COP1: variants seen among roughly 807,000 people sequenced by gnomAD.
COP1 encodes COP1 E3 ubiquitin ligase.
Under a neutral mutation model 101.3 loss-of-function variants are expected in COP1, and 24 were observed. The ratio of observed to expected loss-of-function variants is 0.24; its 90% CI spans 0.17 to 0.33. The LOEUF (loss-of-function observed/expected upper bound fraction) is 0.33. COP1 is among the 10% of genes least tolerant of loss of function. The pLI, the probability that COP1 is intolerant of heterozygous loss-of-function variation, is 1.00. For missense variants in COP1, 663 were observed against 906.2 expected (o/e 0.73, Z 3.45); for synonymous variants, 347 against 341.9 (o/e 1.01, Z -0.17).
chr1:176,061,664 C>T (rs959452594), intron 11 of COP1, among the ~76,000 whole-genome samples: 4 of 151,922 alleles, frequency 2.6e-5, no homozygotes, highest in Admixed American at 6.6e-5. Context: ...AAAAATGAAA[C>T]TAAACCATTA....
intron 18 of COP1, among the ~76,000 whole-genome samples, chr1:175,975,172 A>C (rs1259995244): frequency 6.6e-6 from 1 of 152,124 alleles, no homozygotes; most frequent in African/African-American, 2.4e-5. Flanking sequence ...AATACATAGG[A>C]TATATAAAAG....
chr1:176,154,474 C>T (rs889244193), intron 5 of COP1, among the ~76,000 whole-genome samples: 1 of 152,106 alleles, frequency 6.6e-6, no homozygotes, highest in Non-Finnish European at 1.5e-5. Flanking sequence ...AAGGAGATCA[C>T]GTCCTCTGCA....
chr1:176,123,663 C>A (rs1393637104), intron 8 of COP1, among the ~76,000 whole-genome samples: 2 of 152,006 alleles, frequency 1.3e-5, no homozygotes, highest in African/African-American at 4.8e-5. Flanking sequence ...TGAGGTATTT[C>A]AAAGACATTA....
intron 15 of COP1, among the ~76,000 whole-genome samples, chr1:176,001,249 T>C (rs1239061622): frequency 6.6e-6 from 1 of 152,112 alleles, no homozygotes; most frequent in East Asian, 1.9e-4. Context: ...GTCTGAATCA[T>C]CAGAAACATC....
chr1:176,048,394 C>T (rs1021239247), intron 11 of COP1, among the ~76,000 whole-genome samples: 1 of 151,946 alleles, frequency 6.6e-6, no homozygotes, highest in Non-Finnish European at 1.5e-5. Flanking sequence ...CACAATTCAG[C>T]AAATGTTCCC....
rs761037413 is a variant in COP1 at position 176,135,049 on chromosome 1, C to A, written c.929G>T (p.Ser310Ile). 1.9e-6 allele frequency: 3 copies of A among 1,610,904 alleles called. No homozygotes were observed. In the Admixed American group the frequency reaches 5.0e-5, roughly 27 times the overall value. The change falls in exon 8 of 20, where the codon AGC becomes ATC. Residue 310 changes from serine to isoleucine, a missense_variant. Ser to Ile is a moderately radical substitution (Grantham distance 142). Around this residue, in one of 4 missense-constraint regions of COP1, gnomAD observed 212 missense variants for 240.7 expected, o/e 0.88. Coordinates refer to ENST00000367669, the MANE Select transcript of COP1 (RefSeq NM_022457.7). ...AGGAGCTTCAAATTGAGGCACTGTG[C>A]TATCCTCACTGACAGGAGAGTATAA... ...SGLYSPVSED[S>I]TVPQFEAPSP...
intron 18 of COP1, among the ~76,000 whole-genome samples, chr1:175,973,669 C>A (rs1021833608): frequency 6.6e-6 from 1 of 152,094 alleles, no homozygotes; most frequent in Non-Finnish European, 1.5e-5. Flanking sequence ...TTGAAAAACA[C>A]CCCCATTAGA....
At chr1:176,041,353 C>CTTTTTTT (rs527574402) in intron 14 of COP1, among the ~76,000 whole-genome samples, 1 of 144,198 alleles carries the variant, frequency 6.9e-6, no homozygotes. Context: ...TTCTTTTTTT[C>CTTTTTTT]TTTTTTTTTT....
intron 2 of COP1, among the ~76,000 whole-genome samples, chr1:176,179,861 CAA>C (rs548040625): frequency 4.6e-5 from 6 of 130,162 alleles, no homozygotes; most frequent in Non-Finnish European, 5.0e-5. Flanking sequence ...ATCTCTCAGA[CAA>C]AAAAAAAAAA....
At chr1:176,158,589 G>A (rs1281998031) in intron 5 of COP1, among the ~76,000 whole-genome samples, 1 of 150,212 alleles carries the variant, frequency 6.7e-6, no homozygotes, top group South Asian at 2.1e-4. Context: ...ATACTACAAT[G>A]GCCAGGAGAG....
chr1:176,153,271 T>G (rs1692907226), intron 5 of COP1, among the ~76,000 whole-genome samples: 1 of 152,096 alleles, frequency 6.6e-6, no homozygotes, highest in Non-Finnish European at 1.5e-5. Context: ...TACATGTCCC[T>G]GGGGTATAAA....
At chr1:176,206,452 C>T in intron 1 of COP1, 120 bp downstream of exon 1, 1 of 1,191,820 alleles carries the variant, frequency 8.4e-7, no homozygotes, top group South Asian at 1.3e-5. Context: ...CAGACACCAC[C>T]ACAGCACCAG....
intron 15 of COP1, among the ~76,000 whole-genome samples, chr1:176,004,765 T>C (rs1662672661): frequency 6.7e-6 from 1 of 150,298 alleles, no homozygotes; most frequent in African/African-American, 2.4e-5. Flanking sequence ...AGTATTTTAT[T>C]GAGGATTTTT....
chr1:176,005,790 AGGTGT>A (rs1265381937), intron 15 of COP1, among the ~76,000 whole-genome samples: 1 of 152,004 alleles, frequency 6.6e-6, no homozygotes, highest in African/African-American at 2.4e-5. Flanking sequence ...ATTTTGGAAT[AGGTGT>A]GGTGTGGTGC....
intron 6 of COP1, among the ~76,000 whole-genome samples, chr1:176,143,126 G>GAGAGAGAGAGAT (rs1558194228): frequency 6.8e-6 from 1 of 147,322 alleles, no homozygotes; most frequent in Non-Finnish European, 1.5e-5. Flanking sequence ...GAACAAGCGA[G>GAGAGAGAGAGAT]AGAGAGAGAG....
intron 3 of COP1, chr1:176,168,592 G>A: frequency 6.5e-6 from 1 of 153,894 alleles, no homozygotes; most frequent in Non-Finnish European, 1.5e-5. Context: ...CAGGAGTGGA[G>A]TACACCTGCA....
chr1:176,156,544 C>A (rs1366461854), intron 5 of COP1, among the ~76,000 whole-genome samples: 1 of 152,100 alleles, frequency 6.6e-6, no homozygotes, highest in Non-Finnish European at 1.5e-5. Flanking sequence ...ATACTACCTA[C>A]TGTTAAGGAC....
At chr1:176,002,189 T>C (rs996756893) in intron 15 of COP1, among the ~76,000 whole-genome samples, 1 of 152,084 alleles carries the variant, frequency 6.6e-6, no homozygotes, top group Admixed American at 6.6e-5. Flanking sequence ...TCTTTCTCTC[T>C]CCTCATCTTT....
intron 11 of COP1, among the ~76,000 whole-genome samples, chr1:176,055,601 CCTCT>C (rs1218847961): frequency 1.3e-5 from 2 of 152,040 alleles, no homozygotes; most frequent in Non-Finnish European, 2.9e-5. Context: ...CCAAACCAGA[CCTCT>C]CTCTACACTA....
Sources: allele counts gnomAD v4.1 joint callset (sites outside exome capture counted in the v4.1 genomes callset), GRCh38; gene constraint gnomAD v4.1.1; regional missense constraint gnomAD v4.1.1; transcripts MANE v1.5; gene names NCBI Gene and HGNC (gene_info 2026-07-23, HGNC 2026-07-21).